Variants in DIAPH3 observed in about 807,000 individuals in gnomAD.
DIAPH3 encodes protein diaphanous homolog 3.
DIAPH3 carries 117 observed loss-of-function variants against 144.3 expected under a neutral mutation model. The observed-to-expected ratio is 0.81, with a 90% CI of 0.70 to 0.95. The LOEUF (loss-of-function observed/expected upper bound fraction) is 0.95, where lower values mean the gene tolerates loss of function less well. Ranked by LOEUF, DIAPH3 falls within the 40% of genes least tolerant of loss-of-function variation. The pLI, the probability that DIAPH3 is intolerant of heterozygous loss-of-function variation, is 0.00. For synonymous variants in DIAPH3, 519 were observed against 488.9 expected, an observed-to-expected ratio of 1.06 and a Z score of -0.81; for missense variants, 1,421 against 1,412.7, an observed-to-expected ratio of 1.01 and a Z score of -0.09.
At chr13:59,817,522 C>G (rs1046175426) in intron 24 of DIAPH3, among the ~76,000 whole-genome samples, 1 of 151,822 alleles carries the variant, frequency 6.6e-6, no homozygotes, top group African/African-American at 2.4e-5. Context: ...ATTTCATTAA[C>G]TGTCCTGTTA....
chr13:59,675,130 A>T (rs1035007680), intron 27 of DIAPH3, among the ~76,000 whole-genome samples: 3 of 152,180 alleles, frequency 2.0e-5, no homozygotes, highest in Non-Finnish European at 4.4e-5. Context: ...CGATGGTGCC[A>T]TGATGGCTCA....
At chr13:60,058,578 G>T (rs575562661) in intron 4 of DIAPH3, among the ~76,000 whole-genome samples, 6 of 152,066 alleles carry the variant, frequency 3.9e-5, no homozygotes, top group African/African-American at 1.4e-4. Flanking sequence ...GTTTATCACA[G>T]CACAATCTGC....
chr13:59,917,880 A>C (rs2047300283), intron 18 of DIAPH3, among the ~76,000 whole-genome samples: 1 of 114,318 alleles, frequency 8.7e-6, no homozygotes, highest in African/African-American at 3.5e-5. Context: ...ACAGAGTAAG[A>C]CTCTGTCTCA....
At chr13:59,904,082 C>T (rs1182760777) in intron 20 of DIAPH3, among the ~76,000 whole-genome samples, 1 of 152,020 alleles carries the variant, frequency 6.6e-6, no homozygotes, top group Non-Finnish European at 1.5e-5. Context: ...GGGAAAGCTC[C>T]CCAAAGAGGC....
intron 18 of DIAPH3, among the ~76,000 whole-genome samples, chr13:59,921,474 C>T (rs1253625711): frequency 2.6e-5 from 4 of 151,178 alleles, no homozygotes; most frequent in Non-Finnish European, 4.4e-5. Flanking sequence ...AATTGGATAA[C>T]CTAGAAAAAA....
intron 1 of DIAPH3, among the ~76,000 whole-genome samples, chr13:60,159,699 T>A (rs1261665396): frequency 6.6e-6 from 1 of 152,110 alleles, no homozygotes; most frequent in Admixed American, 6.5e-5. Flanking sequence ...CTCAGCCTCA[T>A]GAACTGGCAG....
intron 27 of DIAPH3, among the ~76,000 whole-genome samples, chr13:59,732,350 T>C (rs1161695880): frequency 6.6e-6 from 1 of 151,676 alleles, no homozygotes; most frequent in African/African-American, 2.4e-5. Flanking sequence ...ACAGACTGAA[T>C]TATAAATAGG....
chr13:59,682,308 A>G (rs972707129), intron 27 of DIAPH3, among the ~76,000 whole-genome samples: 5 of 152,180 alleles, frequency 3.3e-5, no homozygotes, highest in African/African-American at 1.2e-4. Context: ...AACCACAAAA[A>G]TCTTGCTCTA....
intron 27 of DIAPH3, among the ~76,000 whole-genome samples, chr13:59,716,904 T>G (rs1021116441): frequency 1.3e-5 from 2 of 152,126 alleles, no homozygotes; most frequent in Admixed American, 6.5e-5. Context: ...ACGTCAGCAC[T>G]CTTTTGTGAT....
At chr13:59,939,870 GTA>G (rs1375926201) in intron 17 of DIAPH3, among the ~76,000 whole-genome samples, 2 of 141,980 alleles carry the variant, frequency 1.4e-5, no homozygotes, top group African/African-American at 5.3e-5. Context: ...GTGTGTGTGT[GTA>G]TCACTAAGGA....
chr13:60,152,830 C>T (rs1169754085), intron 1 of DIAPH3, among the ~76,000 whole-genome samples: 1 of 124,284 alleles, frequency 8.0e-6, no homozygotes, highest in Non-Finnish European at 1.8e-5. Context: ...ACTACTGATA[C>T]TTACTAATCA....
Position 59,911,720 on chromosome 13 carries a change from AGACTC to A in DIAPH3, c.2367+10_2367+14del, listed in dbSNP as rs2047004581. On this transcript the variant is annotated intron_variant, in intron 20 of 27. Coordinates refer to ENST00000400324, the MANE Select transcript of DIAPH3 (RefSeq NM_001042517.2). ...TGGCACAGTATAAAAATCCTCTCTG[AGACTC>A]GGTACTTACCACAACCACAAACTGC... The A allele has an allele frequency of 1.3e-6, 2 of 1,598,844 alleles. No individual in the cohort carries two copies. The highest frequency in any genetic ancestry group is 1.7e-6 in the Non-Finnish European group (2 of 1,166,450).
intron 21 of DIAPH3, among the ~76,000 whole-genome samples, chr13:59,870,117 C>T (rs1349192031): frequency 6.6e-6 from 1 of 150,782 alleles, no homozygotes; most frequent in Non-Finnish European, 1.5e-5. Flanking sequence ...TATTTAGGTC[C>T]ATGATAAATT....
intron 19 of DIAPH3, among the ~76,000 whole-genome samples, chr13:59,913,101 G>T (rs2047072624): frequency 6.6e-6 from 1 of 152,092 alleles, no homozygotes. Context: ...CATTCTAGTT[G>T]ACAGCTGGAT....
At chr13:59,825,483 GTA>G (rs1240446593) in intron 24 of DIAPH3, among the ~76,000 whole-genome samples, 1 of 152,068 alleles carries the variant, frequency 6.6e-6, no homozygotes, top group African/African-American at 2.4e-5. Flanking sequence ...TGTGAATAGT[GTA>G]CAATAAACAT....
intron 20 of DIAPH3, among the ~76,000 whole-genome samples, chr13:59,882,062 T>C (rs1316615284): frequency 6.6e-6 from 1 of 152,128 alleles, no homozygotes; most frequent in Non-Finnish European, 1.5e-5. Flanking sequence ...AAGATCTAAA[T>C]CATGGAATCT....
chr13:59,905,491 T>C (rs865990441), intron 20 of DIAPH3, among the ~76,000 whole-genome samples: 1 of 152,150 alleles, frequency 6.6e-6, no homozygotes, highest in South Asian at 2.1e-4. Flanking sequence ...ATCTCTTCAC[T>C]CTCAATTTAT....
chr13:59,828,474 A>G (rs1412335556), intron 24 of DIAPH3, among the ~76,000 whole-genome samples: 1 of 151,510 alleles, frequency 6.6e-6, no homozygotes, highest in East Asian at 1.9e-4. Context: ...TTTCTTGCAA[A>G]CTCTCTGAGC....
At chr13:59,691,868 C>G (rs2033541989) in intron 27 of DIAPH3, among the ~76,000 whole-genome samples, 1 of 152,156 alleles carries the variant, frequency 6.6e-6, no homozygotes, top group African/African-American at 2.4e-5. Flanking sequence ...CAAAAGGATA[C>G]AGTCCACTGA....
Sources: gnomAD v4.1 joint callset for allele counts (sites outside exome capture counted in the v4.1 genomes callset) on GRCh38, gnomAD v4.1.1 for gene constraint, MANE v1.5 for transcripts, NCBI Gene and HGNC (gene_info 2026-07-23, HGNC 2026-07-21) for gene names.